Variants in BTN2A2 observed in about 807,000 individuals in gnomAD.
BTN2A2 encodes the protein butyrophilin subfamily 2 member A2, also known as butyrophilin 2.
In BTN2A2, 29 loss-of-function variants were observed where a neutral mutation model predicts 34.7. The observed-to-expected ratio is 0.84, with a 90% confidence interval of 0.62 to 1.14. The LOEUF (loss-of-function observed/expected upper bound fraction) is 1.14, where lower values mean the gene tolerates loss of function less well. BTN2A2 is among the 50% of genes most tolerant of loss of function. The pLI, the probability that BTN2A2 is intolerant of heterozygous loss-of-function variation, is 0.00. For missense variants in BTN2A2, 612 were observed against 651.5 expected, an observed-to-expected ratio of 0.94 and a Z score of 0.66; for synonymous variants, 240 against 253.1, an observed-to-expected ratio of 0.95 and a Z score of 0.49.
chr6:26,388,317 C>A, intron 4 of BTN2A2, 23 bp downstream of exon 4: 2 of 1,611,492 alleles, frequency 1.2e-6, no homozygotes, highest in African/African-American at 2.7e-5. Flanking sequence ...CCCTCTGAGA[C>A]CTATCAAGTG....
intron 4 of BTN2A2, 69 bp from the exon 5 acceptor site, chr6:26,389,936 G>A (rs749680627): frequency 1.3e-5 from 19 of 1,480,092 alleles, no homozygotes; most frequent in South Asian, 6.0e-5. Context: ...CTTCAGATGT[G>A]CTCTTAGGGG....
Position 26,393,734 on chromosome 6 carries a change from G to T in BTN2A2, c.*767G>T. Reference sequence around the variant, plus strand: ...TGGACCAGGTCTACGTCAGCATTCAGGTTCAATGGGGACACCAGTGGCTTC... The same window carrying T: ...TGGACCAGGTCTACGTCAGCATTCATGTTCAATGGGGACACCAGTGGCTTC... On this transcript the variant is annotated 3_prime_UTR_variant, in exon 8 of 8. Transcript: ENST00000356709. 1.0e-6 allele frequency: 1 copy of T among 987,146 alleles called. No individual in the cohort carries two copies. Among genetic ancestry groups the T allele is most frequent in the South Asian group, 4.7e-5 (1 of 21,356 alleles). The allele number at this position is 987,146 out of a possible 1,614,324, so 61.1% of individuals were successfully genotyped here.
Position 26,388,032 on chromosome 6 carries a change from CATTGAA to C in BTN2A2, c.465_470del (p.Glu156_Ile157del). 39 of 1,613,726 alleles carry C rather than the reference CATTGAA, an allele frequency of 2.4e-5. 1 individual carries two copies. Among genetic ancestry groups the C allele is most frequent in the Non-Finnish European group, 3.3e-5 (39 of 1,179,738 alleles). On this transcript the variant is annotated inframe_deletion, in exon 4 of 8. Coordinates refer to ENST00000356709, the MANE Select transcript of BTN2A2 (RefSeq NM_006995.5). ...TTCCAGGCCTTGGGTCTAAGCCCCT[CATTGAA>C]ATCAAGGCCCAAGAGGATGGGAGCA...
rs564816540 is a variant in BTN2A2, at chr6:26,392,277, A to C, written c.980-98A>C. The C allele has an allele frequency of 2.5e-6, 4 of 1,591,138 alleles. No homozygotes were observed. The East Asian group carries it at 9.2e-5, about 37-fold the overall frequency. On this transcript the variant is annotated intron_variant, in intron 7 of 7. Transcript: ENST00000356709. The stretch of plus-strand genomic sequence containing the variant: ...CATGGAAACGGCCACTACATGGGGA[A>C]CCCCCTTCAGCTTTCTGAGACTTCT...
chr6:26,388,041 C>G lies in BTN2A2; in HGVS notation c.471C>G (p.Ile157Met). The G allele has an allele frequency of 6.2e-7, 1 of 1,613,802 alleles. No individual in the cohort carries two copies. ...AGLGSKPLIE[I>M]KAQEDGSIWL... The stretch of plus-strand genomic sequence containing the variant: ...TTGGGTCTAAGCCCCTCATTGAAAT[C>G]AAGGCCCAAGAGGATGGGAGCATCT... Residue 157 changes from isoleucine to methionine, a missense_variant, in exon 4 of 8, where the codon ATC becomes ATG. Physicochemically the swap from Ile to Met is conservative, Grantham distance 10 (BLOSUM62 1). Coordinates refer to ENST00000356709, the MANE Select transcript of BTN2A2 (RefSeq NM_006995.5).
In BTN2A2 at chr6:26,385,364, T is replaced by C. The variant is rs767537628; in HGVS notation, c.442+2T>C. The C allele has an allele frequency of 3.7e-6, 6 of 1,610,440 alleles. No individual in the cohort carries two copies. The highest frequency in any genetic ancestry group is 5.1e-6 in the Non-Finnish European group (6 of 1,177,290). The stretch of plus-strand genomic sequence containing the variant: ...CCATCCTACGCCTCGTGGTGGCAGG[T>C]GCATCACTTCATTTTGCTTTATTAC... On this transcript the variant is annotated splice_donor_variant, in intron 3 of 7. Transcript: ENST00000356709. LOFTEE classifies it high-confidence loss of function.
intron 7 of BTN2A2, chr6:26,391,984 T>A: frequency 1.8e-6 from 1 of 557,330 alleles, no homozygotes; most frequent in South Asian, 2.1e-5. Flanking sequence ...CAATAGGAGA[T>A]AAAGCTTCTG....
intron 3 of BTN2A2, among the ~76,000 whole-genome samples, 198 bp from the exon 4 acceptor site, chr6:26,387,815 C>T (rs1289645315): frequency 6.6e-6 from 1 of 152,176 alleles, no homozygotes; most frequent in Non-Finnish European, 1.5e-5. Context: ...ATGCTTGGTG[C>T]TGTGATGGGG....
chr6:26,391,450 T>C (rs73736247), intron 7 of BTN2A2: 4,144 of 154,822 alleles, frequency 0.027, 81 homozygotes, highest in African/African-American at 0.048. Context: ...CCTCTGCCTG[T>C]CAGCACCAAA....
rs1416822095 is a variant in BTN2A2 at position 26,390,009 on chromosome 6, C to A, written c.729C>A (p.Ser243=). The A allele has an allele frequency of 1.2e-6, 2 of 1,612,802 alleles. No individual in the cohort carries two copies. The highest frequency in any genetic ancestry group is 4.5e-5 in the East Asian group (2 of 44,888). Residue 243 remains serine, a synonymous_variant, in exon 5 of 8, where the codon TCC becomes TCA. Transcript: ENST00000356709. The part of the protein sequence containing the change: ...EKETVIFIPE[S]FMPSASPWMV... ...CTTTTCTGGCTGCCTTTTCAGAATC[C>A]TTTATGCCCAGCGCATCTCCCTGGA...
intron 3 of BTN2A2, 190 bp downstream of exon 3, chr6:26,385,552 C>CT (rs757053830): frequency 0.092 from 38,783 of 422,742 alleles, no homozygotes; most frequent in South Asian, 0.13. Flanking sequence ...GGTTTCACTT[C>CT]TTTTTTTTTT....
chr6:26,389,940 T>C (rs1761459290), intron 4 of BTN2A2, 65 bp from the exon 5 acceptor site: 2 of 1,519,462 alleles, frequency 1.3e-6, no homozygotes, highest in Admixed American at 3.6e-5. Context: ...AGATGTGCTC[T>C]TAGGGGCACT....
Position 26,394,205 on chromosome 6 carries a change from G to A in BTN2A2, c.*1238G>A, listed in dbSNP as rs1041531289. 1.2e-5 allele frequency: 8 copies of A among 686,822 alleles called. No individual in the cohort carries two copies. The African/African-American group carries it at 1.4e-4, about 12-fold the overall frequency. The allele number at this position is 686,822 out of a possible 1,614,324, so 42.5% of individuals were successfully genotyped here. The stretch of plus-strand genomic sequence containing the variant: ...TATTAACACTGGGGACTCCTTAAGA[G>A]TACATCAGAGTTCTCTCTAGGAATC... On this transcript the variant is annotated 3_prime_UTR_variant, in exon 8 of 8. Transcript: ENST00000356709.
intron 5 of BTN2A2, 48 bp from the exon 6 acceptor site, chr6:26,390,639 T>C (rs1761518084): frequency 6.2e-7 from 1 of 1,613,210 alleles, no homozygotes. Flanking sequence ...CAATTTCTCT[T>C]AGTTCTTCTG....
In BTN2A2 at chr6:26,394,025, G is replaced by A; in HGVS notation, c.*1058G>A. On this transcript the variant is annotated 3_prime_UTR_variant, in exon 8 of 8. Transcript: ENST00000356709. Reference sequence around the variant, plus strand: ...TAACTTTTTCCAGATCTCATGTCTGGCTTAATAAGAGATATTTGTATTATC... The same window carrying A: ...TAACTTTTTCCAGATCTCATGTCTGACTTAATAAGAGATATTTGTATTATC... The A allele has an allele frequency of 2.8e-6, 1 of 356,704 alleles. No individual in the cohort carries two copies. The highest frequency in any genetic ancestry group is 5.0e-6 in the Non-Finnish European group (1 of 199,856). The allele number at this position is 356,704 out of a possible 1,614,324, so 22.1% of individuals were successfully genotyped here.
intron 3 of BTN2A2, 72 bp downstream of exon 3, chr6:26,385,434 A>G: frequency 7.0e-7 from 1 of 1,427,382 alleles, no homozygotes; most frequent in Non-Finnish European, 9.5e-7. Flanking sequence ...CCTTAACCTC[A>G]GGCCCATTGC....
chr6:26,385,303 G>T lies in BTN2A2; in HGVS notation c.383G>T (p.Arg128Leu), dbSNP rs752299416. The part of the protein sequence containing the change: ...NVTAQENGIY[R>L]CYFQEGRSYD... ...ACAGCCCAGGAGAATGGGATCTACC[G>T]CTGTTACTTCCAAGAAGGCAGGTCC... The change falls in exon 3 of 8, where the codon CGC becomes CTC. Residue 128 changes from arginine to leucine, a missense_variant. Coordinates refer to ENST00000356709, the MANE Select transcript of BTN2A2 (RefSeq NM_006995.5). 6.2e-7 allele frequency: 1 copy of T among 1,614,122 alleles called. No individual in the cohort carries two copies. Among genetic ancestry groups the T allele is most frequent in the Non-Finnish European group, 8.5e-7 (1 of 1,180,000 alleles).
chr6:26,384,586 AT>A lies in BTN2A2; in HGVS notation c.95-425del, dbSNP rs1366452490. 6.6e-6 allele frequency among the ~76,000 whole-genome samples: 1 copy of A among 152,250 alleles called. No individual in the cohort carries two copies. The highest frequency in any genetic ancestry group is 1.5e-5 in the Non-Finnish European group (1 of 68,040). ...CCAATGAGATATTTGACATTTTGAA[AT>A]TTTAAATCTTTATAATCTGTGTGTG... On this transcript the variant is annotated intron_variant, in intron 2 of 7. Transcript: ENST00000356709. The surrounding 1 kb of genome is among the most constrained non-coding windows in gnomAD (Gnocchi z 4.0).
intron 3 of BTN2A2, among the ~76,000 whole-genome samples, chr6:26,386,456 C>G (rs1032359325): frequency 5.9e-5 from 9 of 152,194 alleles, no homozygotes; most frequent in Non-Finnish European, 1.2e-4. Flanking sequence ...TCCCAGGGGG[C>G]CCCAAATCAT....
Sources: gnomAD v4.1 joint callset for allele counts (sites outside exome capture counted in the v4.1 genomes callset) on GRCh38, gnomAD v4.1.1 for gene constraint, Gnocchi (gnomAD v3.1) non-coding constraint, MANE v1.5 for transcripts, NCBI Gene and HGNC (gene_info 2026-07-23, HGNC 2026-07-21) for gene names.